MYO1D: variants seen among roughly 807,000 people sequenced by gnomAD.
MYO1D encodes the protein myosin ID.
MYO1D carries 83 observed loss-of-function variants against 122.0 expected under a neutral mutation model. The observed-to-expected ratio is 0.68, with a 90% CI of 0.57 to 0.82. The LOEUF is 0.82. Ranked by LOEUF, MYO1D falls within the 40% of genes least tolerant of loss-of-function variation. The pLI is 0.00. For missense variants in MYO1D, 1,157 were observed against 1,269.5 expected (o/e 0.91, Z 1.35); for synonymous variants, 464 against 446.9 (o/e 1.04, Z -0.48).
intron 21 of MYO1D, among the ~76,000 whole-genome samples, chr17:32,571,058 G>T (rs185385792): frequency 8.2e-4 from 125 of 152,226 alleles, no homozygotes; most frequent in African/African-American, 2.8e-3. Flanking sequence ...CACAAGATGG[G>T]TGGGTGGAGG....
chr17:32,865,550 G>A (rs1219357254), intron 1 of MYO1D, among the ~76,000 whole-genome samples: 1 of 152,184 alleles, frequency 6.6e-6, no homozygotes, highest in Non-Finnish European at 1.5e-5. Context: ...ATTCCAGGAG[G>A]TTCTTTTAGA....
intron 3 of MYO1D, 38 bp from the exon 4 acceptor site, chr17:32,776,067 A>C (rs1187006678): frequency 1.3e-6 from 2 of 1,573,770 alleles, no homozygotes; most frequent in Admixed American, 3.9e-5. Context: ...ATAAAAACTT[A>C]TAGAGACTAG....
intron 1 of MYO1D, among the ~76,000 whole-genome samples, chr17:32,832,482 T>C (rs1462741961): frequency 6.6e-6 from 1 of 151,992 alleles, no homozygotes; most frequent in Non-Finnish European, 1.5e-5. Context: ...GTATTTTTAG[T>C]AGACACGGAG....
At chr17:32,565,642 T>A (rs1197157931) in intron 21 of MYO1D, among the ~76,000 whole-genome samples, 1 of 152,140 alleles carries the variant, frequency 6.6e-6, no homozygotes, top group Non-Finnish European at 1.5e-5. Context: ...TCAGTAAACA[T>A]TATCAAGTAA....
chr17:32,837,887 C>T (rs1051910948), intron 1 of MYO1D, among the ~76,000 whole-genome samples: 1 of 152,084 alleles, frequency 6.6e-6, no homozygotes, highest in Non-Finnish European at 1.5e-5. Flanking sequence ...TTTTCATAAA[C>T]GGTCTTCATT....
intron 16 of MYO1D, among the ~76,000 whole-genome samples, chr17:32,662,709 C>CTTCCTTCTG (rs1339271191): frequency 3.3e-5 from 5 of 151,718 alleles, no homozygotes; most frequent in Non-Finnish European, 7.4e-5. Context: ...CTTGGGCAAG[C>CTTCCTTCTG]TTCCTTCTGT....
chr17:32,715,769 G>T (rs953803759), intron 15 of MYO1D, among the ~76,000 whole-genome samples: 2 of 152,024 alleles, frequency 1.3e-5, no homozygotes, highest in African/African-American at 2.4e-5. Context: ...TGTCTATACA[G>T]GTCTTGAAGG....
intron 21 of MYO1D, among the ~76,000 whole-genome samples, chr17:32,521,062 C>A (rs1235802121): frequency 1.3e-5 from 2 of 152,190 alleles, no homozygotes; most frequent in African/African-American, 2.4e-5. Context: ...AAAGATCAGA[C>A]CTCAGTTTGG....
chr17:32,765,452 T>C (rs549452923), intron 7 of MYO1D, among the ~76,000 whole-genome samples: 2 of 152,246 alleles, frequency 1.3e-5, no homozygotes, highest in Non-Finnish European at 1.5e-5. Flanking sequence ...TTAAACTTTT[T>C]ATTTTATTTA....
chr17:32,640,385 T>C (rs2088179027), intron 19 of MYO1D, among the ~76,000 whole-genome samples: 1 of 151,566 alleles, frequency 6.6e-6, no homozygotes, highest in South Asian at 2.1e-4. Context: ...GCAGGTTAGT[T>C]ACATATGTAT....
intron 12 of MYO1D, 66 bp from the exon 13 acceptor site, chr17:32,745,351 C>T: frequency 1.0e-6 from 1 of 967,310 alleles, no homozygotes; most frequent in East Asian, 2.5e-5. Context: ...TAAGTTTTTC[C>T]AGGAGGCAAC....
At chr17:32,543,834 C>T (rs1448735873) in intron 21 of MYO1D, among the ~76,000 whole-genome samples, 1 of 151,968 alleles carries the variant, frequency 6.6e-6, no homozygotes, top group African/African-American at 2.4e-5. Context: ...GCTCTGTCAC[C>T]CAGGCTGGAT....
intron 14 of MYO1D, chr17:32,734,614 C>G (rs1249844192): frequency 6.6e-6 from 1 of 152,200 alleles, no homozygotes; most frequent in African/African-American, 2.4e-5. Context: ...TTGTCATGCA[C>G]TTCCTAACAT....
intron 21 of MYO1D, among the ~76,000 whole-genome samples, chr17:32,548,440 A>C (rs540705830): frequency 6.6e-6 from 1 of 151,970 alleles, no homozygotes; most frequent in African/African-American, 2.4e-5. Flanking sequence ...AAAAAAAAAA[A>C]AAAGTTTATC....
At chr17:32,833,888 G>A (rs1290944483) in intron 1 of MYO1D, among the ~76,000 whole-genome samples, 2 of 151,888 alleles carry the variant, frequency 1.3e-5, no homozygotes. Context: ...GGCCATTCTA[G>A]ATAAGACCCC....
chr17:32,572,431 A>T (rs1015187581), intron 21 of MYO1D, among the ~76,000 whole-genome samples: 3 of 152,142 alleles, frequency 2.0e-5, no homozygotes, highest in African/African-American at 7.2e-5. Context: ...CGCCCACATA[A>T]GTCCTGTCAT....
rs971130425 is a variant in MYO1D at position 32,763,647 on chromosome 17, C to G, written c.1035+1231G>C. ...GTTTAAAATAAATATATGGCAGGTG[C>G]GGTGGCTCACGCCTGTAATCCCAGC... On this transcript the variant is annotated intron_variant, in intron 8 of 21. Coordinates refer to ENST00000318217, the MANE Select transcript of MYO1D (RefSeq NM_015194.3). Among the ~76,000 whole-genome samples the G allele has an allele frequency of 1.7e-4, 26 of 152,200 alleles. 1 individual carries two copies. In the Middle Eastern group the frequency reaches 0.014, roughly 80 times the overall value.
intron 5 of MYO1D, 83 bp downstream of exon 5, chr17:32,772,706 G>T: frequency 1.7e-6 from 2 of 1,165,144 alleles, no homozygotes; most frequent in Non-Finnish European, 2.6e-6. Context: ...TGATGCATAG[G>T]ACAGGGGAAA....
At chr17:32,872,041 T>A (rs2091183888) in intron 1 of MYO1D, among the ~76,000 whole-genome samples, 1 of 152,140 alleles carries the variant, frequency 6.6e-6, no homozygotes, top group South Asian at 2.1e-4. Context: ...CAGGCAGGAC[T>A]CATACAGAGG....
Sources: allele counts gnomAD v4.1 joint callset (sites outside exome capture counted in the v4.1 genomes callset), GRCh38; gene constraint gnomAD v4.1.1; transcripts MANE v1.5; gene names NCBI Gene and HGNC (gene_info 2026-07-23, HGNC 2026-07-21).